ZFTRAF1: variants seen among roughly 807,000 people sequenced by gnomAD.
ZFTRAF1 encodes the protein zinc finger TRAF-type and ring finger containing 1.
At chr8:144,457,999 G>A in the ZFTRAF1 span, 1 of 152,518 alleles carries the variant, frequency 6.6e-6, no homozygotes, top group Admixed American at 6.5e-5. Flanking sequence ...GCCAGTTGGA[G>A]GTCCCCCTTC....
At chr8:144,458,913 C>T in the ZFTRAF1 span, among the ~76,000 whole-genome samples, 4 of 152,238 alleles carry the variant, frequency 2.6e-5, no homozygotes, top group African/African-American at 9.6e-5. Context: ...CCCTGCCCGG[C>T]ACTTACACCC....
At chr8:144,457,469 C>G in the ZFTRAF1 span, 3 of 152,182 alleles carry the variant, frequency 2.0e-5, no homozygotes, top group South Asian at 6.2e-4. Context: ...ATGGCAGAGC[C>G]CCTGGGGCTG....
chr8:144,453,813 G>A, the ZFTRAF1 span: 2 of 241,734 alleles, frequency 8.3e-6, no homozygotes, highest in Non-Finnish European at 1.7e-5. Flanking sequence ...TACAGGTCCA[G>A]AGTTTGGGAG....
the ZFTRAF1 span, chr8:144,455,730 G>T: frequency 6.6e-6 from 1 of 152,312 alleles, no homozygotes; most frequent in Non-Finnish European, 1.5e-5. Context: ...GGAGTTCCAG[G>T]CAGGGCTGGA....
the ZFTRAF1 span, among the ~76,000 whole-genome samples, chr8:144,458,229 G>T: frequency 6.6e-6 from 1 of 152,236 alleles, no homozygotes; most frequent in South Asian, 2.1e-4. Context: ...ACTGCTGTCA[G>T]ACCTCAAACG....
At chr8:144,460,729 C>T in the ZFTRAF1 span, among the ~76,000 whole-genome samples, 1 of 152,180 alleles carries the variant, frequency 6.6e-6, no homozygotes, top group Non-Finnish European at 1.5e-5. Context: ...CTAAAAAATA[C>T]AAAAACAGCC....
chr8:144,458,924 G>C, the ZFTRAF1 span, among the ~76,000 whole-genome samples: 20 of 152,242 alleles, frequency 1.3e-4, no homozygotes, highest in Non-Finnish European at 2.8e-4. Context: ...ACTTACACCC[G>C]AGTGAGCCCG....
At chr8:144,450,505 G>C in the ZFTRAF1 span, 2 of 718,468 alleles carry the variant, frequency 2.8e-6, no homozygotes, top group African/African-American at 1.7e-5. Flanking sequence ...CGTTGGTGAA[G>C]ACAAAGTGGT....
the ZFTRAF1 span, chr8:144,450,217 C>A: frequency 1.7e-6 from 1 of 589,930 alleles, no homozygotes; most frequent in Non-Finnish European, 3.0e-6. Context: ...AGGCGGGGGC[C>A]CCGTCGCGCA....
the ZFTRAF1 span, chr8:144,457,016 T>A: frequency 9.7e-6 from 1 of 102,912 alleles, no homozygotes; most frequent in Non-Finnish European, 1.9e-5. Context: ...ATTGACATCA[T>A]GGGGGACTGA....
chr8:144,458,103 G>A, the ZFTRAF1 span, among the ~76,000 whole-genome samples: 7 of 152,226 alleles, frequency 4.6e-5, no homozygotes, highest in South Asian at 2.1e-4. Context: ...CTAACCTCCC[G>A]AATCAAACAT....
At chr8:144,453,878 G>T in the ZFTRAF1 span, 1 of 184,016 alleles carries the variant, frequency 5.4e-6, no homozygotes, top group Admixed American at 5.3e-5. Context: ...AGCGGATGCA[G>T]CTCCCACACT....
the ZFTRAF1 span, chr8:144,455,772 C>G: frequency 1.3e-5 from 2 of 152,258 alleles, no homozygotes; most frequent in Non-Finnish European, 2.9e-5. Context: ...GGCCACCTGG[C>G]CTCTCTTCCT....
chr8:144,452,344 G>A, the ZFTRAF1 span: 16 of 1,547,050 alleles, frequency 1.0e-5, no homozygotes, highest in Middle Eastern at 3.3e-4. Context: ...TGCAGCAGGC[G>A]GCGGGGCGCC....
the ZFTRAF1 span, among the ~76,000 whole-genome samples, chr8:144,461,909 G>A: frequency 6.6e-6 from 1 of 152,146 alleles, no homozygotes; most frequent in Non-Finnish European, 1.5e-5. Flanking sequence ...GGTGGGTTGC[G>A]GGGAGCAGTT....
the ZFTRAF1 span, among the ~76,000 whole-genome samples, chr8:144,458,329 C>G: frequency 2.0e-5 from 3 of 152,226 alleles, no homozygotes; most frequent in Non-Finnish European, 4.4e-5. Flanking sequence ...CCACAGAAAA[C>G]AAAAATTCCA....
chr8:144,452,299 T>A, the ZFTRAF1 span: 1 of 1,526,976 alleles, frequency 6.5e-7, no homozygotes. Flanking sequence ...CCCAGACTCC[T>A]GGCTGCCAGC....
the ZFTRAF1 span, chr8:144,450,316 G>C: frequency 1.3e-5 from 9 of 676,386 alleles, no homozygotes; most frequent in Middle Eastern, 2.7e-4. Context: ...TGCCAGCCAG[G>C]TGGACAGGGC....
the ZFTRAF1 span, among the ~76,000 whole-genome samples, chr8:144,461,753 A>C: frequency 1.3e-5 from 2 of 152,110 alleles, no homozygotes; most frequent in Non-Finnish European, 2.9e-5. Context: ...GGACCAAGAG[A>C]AAGGATTCTT....
Sources: allele counts gnomAD v4.1 joint callset (sites outside exome capture counted in the v4.1 genomes callset), GRCh38; gene constraint gnomAD v4.1.1; transcripts MANE v1.5; gene names NCBI Gene and HGNC (gene_info 2026-07-23, HGNC 2026-07-21).